The following CELF2 variants were observed in gnomAD, a reference collection of about 807,000 sequenced individuals.
CELF2 encodes the protein CUG triplet repeat RNA-binding protein 2.
In CELF2, 8 loss-of-function variants were observed where a neutral mutation model predicts 62.6. The observed-to-expected ratio is 0.13, with a 90% CI of 0.07 to 0.23. The LOEUF (loss-of-function observed/expected upper bound fraction) is 0.23, where lower values mean the gene tolerates loss of function less well. Among genes scored for constraint, CELF2 ranks in the 10% least tolerant of loss-of-function variants. The pLI, the probability that CELF2 is intolerant of heterozygous loss-of-function variation, is 1.00. For synonymous variants in CELF2, 258 were observed against 250.0 expected (o/e 1.03, Z -0.30); for missense variants, 333 against 671.0 (o/e 0.50, Z 5.56).
At chr10:11,076,827 G>T (rs1030232462) in intron 1 of CELF2, among the ~76,000 whole-genome samples, 4 of 152,202 alleles carry the variant, frequency 2.6e-5, no homozygotes, top group Non-Finnish European at 4.4e-5. Flanking sequence ...GGCTTTGGTA[G>T]TCAGTAGTAT....
At chr10:11,001,969 T>A (rs560506620), upstream of CELF2, among the ~76,000 whole-genome samples, 1 of 152,206 alleles carries the variant, frequency 6.6e-6, no homozygotes, top group African/African-American at 2.4e-5. Flanking sequence ...TTGATACTAG[T>A]ATCCAAGTCA....
chr10:10,846,559 G>C (rs1010879592), intron 1 of CELF2, among the ~76,000 whole-genome samples: 3 of 152,148 alleles, frequency 2.0e-5, no homozygotes, highest in Non-Finnish European at 4.4e-5. Flanking sequence ...TTTATCACCA[G>C]GGATAAAGAT....
chr10:10,953,789 T>TA (rs968309358), intron 2 of CELF2, among the ~76,000 whole-genome samples: 1 of 142,508 alleles, frequency 7.0e-6, no homozygotes, highest in African/African-American at 2.6e-5. Flanking sequence ...CAAACTAAAA[T>TA]ATACAGAACA....
chr10:10,917,392 T>G (rs1160391442), intron 1 of CELF2, among the ~76,000 whole-genome samples: 1 of 152,192 alleles, frequency 6.6e-6, no homozygotes, highest in East Asian at 1.9e-4. Context: ...TGGAGTGGAC[T>G]GGTGTGGCAC....
At chr10:10,477,283 A>G in the CELF2 span, among the ~76,000 whole-genome samples, 774 of 152,258 alleles carry the variant, frequency 5.1e-3, 8 homozygotes, top group African/African-American at 0.018. Flanking sequence ...CATTTATCAT[A>G]TTTTTAAATT....
chr10:10,499,886 A>G, the CELF2 span, among the ~76,000 whole-genome samples: 1 of 152,090 alleles, frequency 6.6e-6, no homozygotes, highest in East Asian at 1.9e-4. Flanking sequence ...CTTGTGGGGG[A>G]AAAACAGCTC....
the CELF2 span, among the ~76,000 whole-genome samples, chr10:10,614,229 T>C: frequency 3.9e-5 from 6 of 152,060 alleles, no homozygotes; most frequent in Non-Finnish European, 7.3e-5. Flanking sequence ...CCATTTTCCC[T>C]TTGGTAATTT....
chr10:10,996,927 TG>T (rs2054014454), intron 2 of CELF2, among the ~76,000 whole-genome samples: 1 of 152,250 alleles, frequency 6.6e-6, no homozygotes, highest in Non-Finnish European at 1.5e-5. Flanking sequence ...TTACCTTTTT[TG>T]GTTGCCTTCT....
chr10:10,608,158 A>C, the CELF2 span, among the ~76,000 whole-genome samples: 1 of 149,112 alleles, frequency 6.7e-6, no homozygotes. Context: ...ACAAACAAAC[A>C]AACCTTCTAA....
chr10:10,550,084 A>G, the CELF2 span, among the ~76,000 whole-genome samples: 1 of 152,250 alleles, frequency 6.6e-6, no homozygotes, highest in East Asian at 1.9e-4. Context: ...AAGGCTATTA[A>G]TAGCCTACTA....
chr10:11,320,181 C>G (rs2095349658), intron 10 of CELF2, among the ~76,000 whole-genome samples: 1 of 152,178 alleles, frequency 6.6e-6, no homozygotes, highest in South Asian at 2.1e-4. Context: ...AGTTAGCACT[C>G]TATAAAGTGT....
Position 11,212,737 on chromosome 10 carries a change from G to T in CELF2, c.272-4688G>T, listed in dbSNP as rs1328921864. ...AGGATGGTGTTTTTTTGTGTTTTGG[G>T]TTTTTTTTTTTTTTTTTTTTTGCTT... On this transcript the variant is annotated intron_variant, in intron 2 of 12. Transcript: ENST00000633077. Among the ~76,000 whole-genome samples the T allele has an allele frequency of 6.1e-4, 56 of 91,982 alleles. No homozygotes were observed. The East Asian group carries it at 0.016, about 26-fold the overall frequency. The allele number at this position is 91,982 out of a possible 152,430, so 60.3% of individuals were successfully genotyped here.
chr10:11,158,124 T>G (rs1180014498), intron 1 of CELF2, among the ~76,000 whole-genome samples: 1 of 152,212 alleles, frequency 6.6e-6, no homozygotes, highest in Non-Finnish European at 1.5e-5. Flanking sequence ...TAACTGACGG[T>G]GAAACCAGTC....
chr10:10,553,565 C>T, the CELF2 span, among the ~76,000 whole-genome samples: 5 of 152,054 alleles, frequency 3.3e-5, no homozygotes, highest in South Asian at 2.1e-4. Flanking sequence ...GACAAAGAGA[C>T]GAAGGGAGAC....
intron 1 of CELF2, among the ~76,000 whole-genome samples, chr10:10,807,538 A>G (rs2055359625): frequency 6.6e-6 from 1 of 152,238 alleles, no homozygotes; most frequent in African/African-American, 2.4e-5. Context: ...TTGTCATGCA[A>G]ATAAGAATAC....
At chr10:11,258,698 A>G (rs1349673623) in intron 5 of CELF2, among the ~76,000 whole-genome samples, 1 of 152,176 alleles carries the variant, frequency 6.6e-6, no homozygotes, top group Non-Finnish European at 1.5e-5. Context: ...TATATATAAA[A>G]TGTGTTTTTC....
chr10:10,648,354 G>T, the CELF2 span, among the ~76,000 whole-genome samples: 1 of 152,232 alleles, frequency 6.6e-6, no homozygotes, highest in African/African-American at 2.4e-5. Flanking sequence ...CCTTTACTAG[G>T]CTATAAAGTC....
At chr10:10,806,109 G>A (rs1356577570) in intron 1 of CELF2, among the ~76,000 whole-genome samples, 3 of 152,046 alleles carry the variant, frequency 2.0e-5, no homozygotes, top group Middle Eastern at 3.2e-3. Flanking sequence ...CCTGGTTTAC[G>A]GTTTGGATTT....
chr10:10,503,251 C>T, the CELF2 span, among the ~76,000 whole-genome samples: 375 of 151,968 alleles, frequency 2.5e-3, 6 homozygotes, highest in East Asian at 0.054. Flanking sequence ...TGTTCTTTGA[C>T]GGGTGGTGTT....
Sources: gnomAD v4.1 joint callset for allele counts (sites outside exome capture counted in the v4.1 genomes callset) on GRCh38, gnomAD v4.1.1 for gene constraint, MANE v1.5 for transcripts, NCBI Gene and HGNC (gene_info 2026-07-23, HGNC 2026-07-21) for gene names.